SPC25: variants seen among roughly 807,000 people sequenced by gnomAD.
SPC25 encodes the protein SPC25 component of NDC80 kinetochore complex.
In SPC25, 22 loss-of-function variants were observed where a neutral mutation model predicts 29.6. That is an observed-to-expected ratio of 0.74 (90% CI 0.53 to 1.06). The LOEUF is 1.06. Ranked by LOEUF, SPC25 falls within the 50% of genes least tolerant of loss-of-function variation. SPC25 has a pLI of 0.00. For synonymous variants in SPC25, 91 were observed against 90.4 expected (o/e 1.01, Z -0.04); for missense variants, 230 against 255.8 (o/e 0.90, Z 0.69).
intron 4 of SPC25, chr2:168,862,136 A>C: frequency 8.6e-7 from 1 of 1,158,068 alleles, no homozygotes; most frequent in Non-Finnish European, 1.3e-6. Flanking sequence ...TGGCAGCCTT[A>C]AGAGTTACTA....
At position 168,871,344 on chromosome 2, in the gene SPC25, T is replaced by G; in HGVS notation, c.*87A>C. The G allele has an allele frequency of 7.8e-7, 1 of 1,282,836 alleles. No homozygotes were observed. Among genetic ancestry groups the G allele is most frequent in the Non-Finnish European group, 1.0e-6 (1 of 968,230 alleles). The allele number at this position is 1,282,836 out of a possible 1,614,324, so 79.5% of individuals were successfully genotyped here. On this transcript the variant is annotated 3_prime_UTR_variant, in exon 7 of 7. Transcript: ENST00000282074. ...CATTGTGCACATGTACCCTAAAACT[T>G]AAAGTATAATAATAATAAAAACAAG... is the stretch of plus-strand genomic sequence containing the variant.
chr2:168,867,034 A>T (rs950118636), downstream of SPC25, among the ~76,000 whole-genome samples: 3 of 152,192 alleles, frequency 2.0e-5, no homozygotes, highest in African/African-American at 7.2e-5. Context: ...GTGGGACTGT[A>T]AACTAGTTCA....
intron 3 of SPC25, among the ~76,000 whole-genome samples, chr2:168,887,039 AC>A (rs1690279565): frequency 6.6e-6 from 1 of 152,162 alleles, no homozygotes; most frequent in Non-Finnish European, 1.5e-5. Flanking sequence ...ACACATGCAA[AC>A]AAAAGTGGTT....
intron 4 of SPC25, 62 bp from the exon 5 acceptor site, chr2:168,876,238 G>C: frequency 8.6e-7 from 1 of 1,165,810 alleles, no homozygotes; most frequent in Non-Finnish European, 1.2e-6. Context: ...TGCTCACTGA[G>C]TTAATTTTTT....
chr2:168,862,888 C>A (rs997275517), intron 4 of SPC25, among the ~76,000 whole-genome samples: 9 of 152,130 alleles, frequency 5.9e-5, no homozygotes, highest in African/African-American at 1.9e-4. Flanking sequence ...ACATGGCTCC[C>A]AGAGCCAATG....
intron 3 of SPC25, among the ~76,000 whole-genome samples, chr2:168,881,364 C>T (rs16856090): frequency 0.034 from 5,145 of 152,262 alleles, 279 homozygotes; most frequent in African/African-American, 0.11. Flanking sequence ...ATAAACCTGG[C>T]CAAACCTCTC....
At chr2:168,875,698 C>A (rs1690072951) in intron 5 of SPC25, among the ~76,000 whole-genome samples, 1 of 151,938 alleles carries the variant, frequency 6.6e-6, no homozygotes, top group Admixed American at 6.6e-5. Flanking sequence ...AAAATATGTG[C>A]TAAACAATAG....
intron 4 of SPC25, chr2:168,864,686 C>G (rs575888257): frequency 1.3e-6 from 1 of 760,050 alleles, no homozygotes; most frequent in Non-Finnish European, 2.1e-6. Context: ...CACAGGTGTT[C>G]GATACATTTG....
chr2:168,889,074 T>TATATAC (rs1690343925), intron 3 of SPC25, 152 bp downstream of exon 3: 4 of 177,886 alleles, frequency 2.2e-5, no homozygotes, highest in East Asian at 2.7e-4. Context: ...TATATACACA[T>TATATAC]ATATATACAT....
Position 168,886,475 on chromosome 2 carries a change from T to C in SPC25, c.199+2751A>G, listed in dbSNP as rs370815083. On this transcript the variant is annotated intron_variant, in intron 3 of 6. Coordinates refer to ENST00000282074, the MANE Select transcript of SPC25 (RefSeq NM_020675.4). ...CAATAGCAGTCATATGTTCATTGAA[T>C]TAATTAAACTTGAGTAAACTGTATT... is the stretch of plus-strand genomic sequence containing the variant. Among the ~76,000 whole-genome samples, 4 of 152,152 alleles carry C rather than the reference T, an allele frequency of 2.6e-5. No homozygotes were observed. In the South Asian group the frequency reaches 8.3e-4, roughly 32 times the overall value.
intron 2 of SPC25, 29 bp downstream of exon 2, chr2:168,889,358 C>T (rs1420390911): frequency 1.2e-6 from 2 of 1,613,658 alleles, no homozygotes; most frequent in Non-Finnish European, 1.7e-6. Context: ...AACAGCAAAA[C>T]CAGCATGTTA....
At chr2:168,873,476 G>A (rs1690030935) in intron 6 of SPC25, 109 bp downstream of exon 6, 2 of 703,870 alleles carry the variant, frequency 2.8e-6, no homozygotes, top group African/African-American at 3.6e-5. Flanking sequence ...GAAAAAGGAA[G>A]CAATAGAGTC....
downstream of SPC25, among the ~76,000 whole-genome samples, chr2:168,869,719 A>G (rs1380894419): frequency 1.3e-5 from 2 of 152,252 alleles, no homozygotes; most frequent in Non-Finnish European, 1.5e-5. Context: ...ACACAAAGAA[A>G]TGGAAGAACA....
At chr2:168,864,732 C>G in intron 4 of SPC25, 1 of 1,355,202 alleles carries the variant, frequency 7.4e-7, no homozygotes, top group Non-Finnish European at 1.0e-6. Flanking sequence ...ATGACACTAC[C>G]AAGTAAATCC....
intron 3 of SPC25, among the ~76,000 whole-genome samples, chr2:168,878,582 A>C (rs1406349573): frequency 6.6e-6 from 1 of 152,216 alleles, no homozygotes; most frequent in Non-Finnish European, 1.5e-5. Flanking sequence ...ACTATAAGGA[A>C]AAAACAAGAA....
intron 4 of SPC25, among the ~76,000 whole-genome samples, chr2:168,862,515 T>C (rs1689527905): frequency 6.7e-6 from 1 of 149,370 alleles, no homozygotes; most frequent in South Asian, 2.1e-4. Flanking sequence ...CATTCAGGAA[T>C]GTGAAGTGAC....
chr2:168,879,034 A>C (rs1479675409), intron 3 of SPC25, among the ~76,000 whole-genome samples: 1 of 152,236 alleles, frequency 6.6e-6, no homozygotes, highest in Non-Finnish European at 1.5e-5. Context: ...AAAATATTTT[A>C]TTGCTAAAAT....
rs144625186 is a variant in SPC25, at chr2:168,881,481, A to G, written c.200-4097T>C. On this transcript the variant is annotated intron_variant, in intron 3 of 6. Transcript: ENST00000282074. ...CCATTGCACAGAGATGGTGTCCCCA[A>G]AATGCCAATCAGGGGGCTAGACAAA... Among the ~76,000 whole-genome samples the G allele has an allele frequency of 2.4e-3, 364 of 152,338 alleles. 6 individuals carry two copies. The highest frequency in any genetic ancestry group is 3.7e-3 in the Non-Finnish European group (255 of 68,020).
chr2:168,878,672 G>T (rs1432672180), intron 3 of SPC25, among the ~76,000 whole-genome samples: 2 of 152,000 alleles, frequency 1.3e-5, no homozygotes, highest in African/African-American at 4.8e-5. Context: ...CAGAATTTGT[G>T]GTACTACACC....
Sources: gnomAD v4.1 joint callset for allele counts (sites outside exome capture counted in the v4.1 genomes callset) on GRCh38, gnomAD v4.1.1 for gene constraint, MANE v1.5 for transcripts, NCBI Gene and HGNC (gene_info 2026-07-23, HGNC 2026-07-21) for gene names.